The following SLC68A1 variants were observed in gnomAD, a reference collection of about 807,000 sequenced individuals.
The protein encoded by SLC68A1 is major facilitator superfamily domain containing 13A.
chr10:102,461,735 C>T, the SLC68A1 span: 2 of 152,480 alleles, frequency 1.3e-5, no homozygotes, highest in Non-Finnish European at 2.9e-5. Context: ...CCCTGGTGGT[C>T]TGGGATCGAG....
the SLC68A1 span, chr10:102,475,776 G>A: frequency 1.2e-6 from 2 of 1,613,868 alleles, no homozygotes; most frequent in Non-Finnish European, 1.7e-6. Flanking sequence ...GCCCATCCCT[G>A]GCCAGAGCCC....
At chr10:102,468,838 C>T in the SLC68A1 span, 28 of 576,212 alleles carry the variant, frequency 4.9e-5, no homozygotes, top group South Asian at 5.7e-4. Context: ...ATTCCCAGCG[C>T]TGTTGTAAGT....
At chr10:102,473,888 C>T in the SLC68A1 span, 2 of 1,614,178 alleles carry the variant, frequency 1.2e-6, no homozygotes, top group Admixed American at 1.7e-5. Flanking sequence ...TAGACGAGGA[C>T]CTGGTGCTGA....
the SLC68A1 span, chr10:102,471,223 G>T: frequency 4.4e-6 from 7 of 1,601,990 alleles, no homozygotes; most frequent in African/African-American, 6.7e-5. Flanking sequence ...TGTGTTGGGG[G>T]ATAACTCTGG....
At chr10:102,476,298 CCTT>C in the SLC68A1 span, 1 of 296,400 alleles carries the variant, frequency 3.4e-6, no homozygotes, top group South Asian at 8.5e-5. Flanking sequence ...AAACCCCTGA[CCTT>C]AGGTGATCAG....
At chr10:102,475,635 C>CT in the SLC68A1 span, 6 of 1,462,352 alleles carry the variant, frequency 4.1e-6, no homozygotes, top group East Asian at 1.2e-4. Flanking sequence ...CATGTGGTGT[C>CT]TGAGATGTCA....
At chr10:102,471,207 C>T in the SLC68A1 span, 3 of 1,601,722 alleles carry the variant, frequency 1.9e-6, 1 homozygote, top group South Asian at 3.3e-5. Context: ...GGGGGCTGCC[C>T]TGGGATGTGT....
At chr10:102,464,266 C>T in the SLC68A1 span, among the ~76,000 whole-genome samples, 4 of 151,902 alleles carry the variant, frequency 2.6e-5, no homozygotes, top group African/African-American at 9.7e-5. Flanking sequence ...GCCTGGCCAA[C>T]GTGGCGAAAC....
chr10:102,469,033 G>T, the SLC68A1 span: 1 of 1,612,344 alleles, frequency 6.2e-7, no homozygotes, highest in Non-Finnish European at 8.5e-7. Flanking sequence ...TGCAGCCATG[G>T]GGCTGGGTCA....
At chr10:102,462,549 G>C in the SLC68A1 span, among the ~76,000 whole-genome samples, 1 of 152,098 alleles carries the variant, frequency 6.6e-6, no homozygotes, top group Non-Finnish European at 1.5e-5. Context: ...CCCACCATAG[G>C]TTGGTTCAGA....
the SLC68A1 span, chr10:102,470,542 G>C: frequency 6.8e-7 from 1 of 1,465,926 alleles, no homozygotes; most frequent in Non-Finnish European, 9.1e-7. Context: ...GGGGACAGTG[G>C]CACCACCCTG....
At chr10:102,465,053 G>C in the SLC68A1 span, among the ~76,000 whole-genome samples, 5 of 152,064 alleles carry the variant, frequency 3.3e-5, no homozygotes, top group African/African-American at 1.2e-4. Flanking sequence ...AGGAGTTTGA[G>C]ACCAGCCTGA....
chr10:102,476,741 C>G, the SLC68A1 span: 1 of 986,184 alleles, frequency 1.0e-6, no homozygotes, highest in East Asian at 1.1e-4. Context: ...CTGTGGTGCA[C>G]ACAGGCCTGC....
the SLC68A1 span, chr10:102,472,772 GA>G: frequency 4.0e-6 from 4 of 989,526 alleles, no homozygotes; most frequent in Non-Finnish European, 6.5e-6. Context: ...AGTTGGGGGG[GA>G]TGTGTGTTCC....
chr10:102,468,950 C>T, the SLC68A1 span: 13 of 1,295,358 alleles, frequency 1.0e-5, no homozygotes, highest in Non-Finnish European at 1.3e-5. Flanking sequence ...TTCCTTCTTC[C>T]CCAGGGACGA....
the SLC68A1 span, chr10:102,471,288 G>A: frequency 6.2e-7 from 1 of 1,613,814 alleles, no homozygotes; most frequent in African/African-American, 1.3e-5. Flanking sequence ...GTGGAGAGGA[G>A]CTGCTTGTAG....
At chr10:102,466,098 T>TA in the SLC68A1 span, 1 of 152,208 alleles carries the variant, frequency 6.6e-6, no homozygotes, top group East Asian at 1.9e-4. Context: ...GTGAGCCCAA[T>TA]AAAAAGCTAC....
At chr10:102,468,666 CAA>C in the SLC68A1 span, 520 of 160,990 alleles carry the variant, frequency 3.2e-3, no homozygotes, top group South Asian at 0.01. Flanking sequence ...GACTCTGTCT[CAA>C]AAAAAAAAAA....
chr10:102,465,704 G>A, the SLC68A1 span, among the ~76,000 whole-genome samples: 1 of 152,160 alleles, frequency 6.6e-6, no homozygotes, highest in Non-Finnish European at 1.5e-5. Flanking sequence ...GCTGGTGTGG[G>A]CTCCAAGCTG....
Sources: allele counts gnomAD v4.1 joint callset (sites outside exome capture counted in the v4.1 genomes callset), GRCh38; gene constraint gnomAD v4.1.1; transcripts MANE v1.5; gene names NCBI Gene and HGNC (gene_info 2026-07-23, HGNC 2026-07-21).